The following MACF1 variants were observed in gnomAD, a reference collection of about 807,000 sequenced individuals.
MACF1 encodes microtubule-actin cross-linking factor 1.
MACF1 carries 193 observed loss-of-function variants against 854.8 expected under a neutral mutation model. The ratio of observed to expected loss-of-function variants is 0.23; its 90% CI spans 0.20 to 0.25. The LOEUF is 0.25. MACF1 is among the 10% of genes least tolerant of loss of function. The probability of loss-of-function intolerance (pLI) is 1.00; values close to 1 mark genes in which losing one functional copy is unlikely to be tolerated. For missense variants in MACF1, 7,722 were observed against 8,929.1 expected (o/e 0.86, Z 5.45); for synonymous variants, 3,185 against 3,226.7 (o/e 0.99, Z 0.44).
intron 2 of MACF1, among the ~76,000 whole-genome samples, chr1:39,127,366 T>C (rs1642885750): frequency 2.6e-5 from 4 of 152,224 alleles, no homozygotes; most frequent in Admixed American, 2.6e-4. Flanking sequence ...AATAATAATA[T>C]AATAGTGGCT....
At position 39,380,333 on chromosome 1, in the gene MACF1, A is replaced by T. The variant is rs1010645854; in HGVS notation, c.13608A>T (p.Ser4536=). The T allele has an allele frequency of 2.5e-6, 4 of 1,613,384 alleles. No individual in the cohort carries two copies. In the African/African-American group the frequency reaches 4.0e-5, roughly 16 times the overall value. Residue 4536 remains serine, a synonymous_variant, in exon 55 of 101, where the codon TCA becomes TCT. Transcript: ENST00000564288. The stretch of plus-strand genomic sequence containing the variant: ...GATTACTGGTGACATATCCCAACTC[A>T]CAGGAAGCAGAAAATTGGAAGAAAA... ...LAGLLVTYPN[S]QEAENWKKIQ... is the part of the protein sequence containing the mutation.
intron 1 of MACF1, among the ~76,000 whole-genome samples, chr1:39,220,542 G>T (rs549645633): frequency 6.8e-6 from 1 of 146,128 alleles, no homozygotes; most frequent in East Asian, 2.1e-4. Flanking sequence ...GAGTGCAGTG[G>T]CGCAATCTCA....
rs115254123 is a variant in MACF1, at chr1:39,298,008, C to G, written c.2481+263C>G. Among the ~76,000 whole-genome samples the G allele has an allele frequency of 7.5e-3, 1,145 of 152,056 alleles. 10 individuals are homozygous for G. Among genetic ancestry groups the G allele is most frequent in the Middle Eastern group, 0.017 (5 of 294 alleles). Reference sequence around the variant, plus strand: ...GTCTTCTCCTCTGAGCCACTTTGAGCTCATTGTACTTTCTTTGCATTTTTC... The same window carrying G: ...GTCTTCTCCTCTGAGCCACTTTGAGGTCATTGTACTTTCTTTGCATTTTTC... On this transcript the variant is annotated intron_variant, in intron 21 of 100. Coordinates refer to ENST00000564288, the MANE Select transcript of MACF1 (RefSeq NM_001394062.1).
chr1:39,177,035 A>C (rs553630595), intron 2 of MACF1, among the ~76,000 whole-genome samples: 2 of 152,328 alleles, frequency 1.3e-5, no homozygotes, highest in South Asian at 4.1e-4. Flanking sequence ...TTTGAGAATT[A>C]TGTAGTATCT....
intron 37 of MACF1, 138 bp from the exon 38 acceptor site, chr1:39,337,044 A>T: frequency 1.3e-6 from 1 of 753,786 alleles, no homozygotes; most frequent in Non-Finnish European, 2.1e-6. Flanking sequence ...GAAATGACTT[A>T]AACAAAGTGT....
At chr1:39,366,046 A>G (rs1431671935) in intron 49 of MACF1, among the ~76,000 whole-genome samples, 1 of 152,154 alleles carries the variant, frequency 6.6e-6, no homozygotes, top group Non-Finnish European at 1.5e-5. Flanking sequence ...TTTTAATTAT[A>G]GAGGCTTTAT....
At chr1:39,264,000 T>C (rs1557551197) in intron 6 of MACF1, among the ~76,000 whole-genome samples, 2 of 152,076 alleles carry the variant, frequency 1.3e-5, no homozygotes, top group East Asian at 1.9e-4. Flanking sequence ...GTCTTGATCT[T>C]CTGACCTCAT....
intron 2 of MACF1, among the ~76,000 whole-genome samples, chr1:39,149,739 A>ATGATG (rs931155170): frequency 6.6e-6 from 1 of 151,470 alleles, no homozygotes; most frequent in Non-Finnish European, 1.5e-5. Context: ...CCAGCCCGAT[A>ATGATG]TTTAAAGTCC....
At chr1:39,301,074 A>G (rs914297798) in intron 22 of MACF1, among the ~76,000 whole-genome samples, 32 of 152,078 alleles carry the variant, frequency 2.1e-4, no homozygotes, top group African/African-American at 7.5e-4. Context: ...CTCCCCATTT[A>G]GTGCACAAAG....
rs762682794 is a variant in MACF1 at position 39,310,901 on chromosome 1, G to C, written c.3171G>C (p.Glu1057Asp). 14 of 1,614,202 alleles carry C rather than the reference G, an allele frequency of 8.7e-6. No individual in the cohort carries two copies. Among genetic ancestry groups the C allele is most frequent in the Non-Finnish European group, 1.2e-5 (14 of 1,180,024 alleles). The change falls in exon 26 of 101, where the codon GAG becomes GAC. Residue 1057 changes from glutamate (E) to aspartate (D), a missense_variant. By Grantham distance (45) the Glu-to-Asp change is conservative. Coordinates refer to ENST00000564288, the MANE Select transcript of MACF1 (RefSeq NM_001394062.1). ...ELKNIRLRLEEYEQRVVKRIQ... is the reference protein window; with the variant it reads ...ELKNIRLRLEDYEQRVVKRIQ... ...AGAACATCCGGCTACGCCTGGAGGA[G>C]TATGAACAGAGGGTGGTCAAACGAA...
chr1:39,203,903 C>T (rs1382088390), upstream of MACF1, among the ~76,000 whole-genome samples: 2 of 152,152 alleles, frequency 1.3e-5, no homozygotes, highest in African/African-American at 4.8e-5. Flanking sequence ...CTGCTGCAAA[C>T]ATTCATATAC....
intron 73 of MACF1, 34 bp from the exon 74 acceptor site, chr1:39,441,190 G>C (rs1367715729): frequency 6.2e-7 from 1 of 1,613,866 alleles, no homozygotes; most frequent in Non-Finnish European, 8.5e-7. Context: ...GAGTGGTATT[G>C]ATTGAAGAAT....
intron 100 of MACF1, chr1:39,485,245 A>C (rs1334699997): frequency 2.7e-6 from 1 of 376,272 alleles, no homozygotes; most frequent in African/African-American, 2.1e-5. Flanking sequence ...TGGCAGGCTC[A>C]CCCACCTGTG....
intron 2 of MACF1, among the ~76,000 whole-genome samples, chr1:39,117,528 C>A (rs34222896): frequency 0.31 from 39,966 of 130,120 alleles, 5,664 homozygotes; most frequent in Non-Finnish European, 0.36. Context: ...TCTCAACCTG[C>A]AAGAGGTGTG....
chr1:39,382,483 T>A (rs1419623504), intron 56 of MACF1, among the ~76,000 whole-genome samples: 1 of 151,658 alleles, frequency 6.6e-6, no homozygotes, highest in Non-Finnish European at 1.5e-5. Flanking sequence ...GGTGGGCGGG[T>A]CACAAGGTCA....
chr1:39,244,870 C>T (rs1387359780), intron 2 of MACF1, among the ~76,000 whole-genome samples: 3 of 152,208 alleles, frequency 2.0e-5, no homozygotes, highest in Admixed American at 6.5e-5. Flanking sequence ...TGAGCCACCA[C>T]CCTGGCCAAT....
chr1:39,145,936 A>G (rs564075210), intron 2 of MACF1, among the ~76,000 whole-genome samples: 1 of 152,336 alleles, frequency 6.6e-6, no homozygotes, highest in South Asian at 2.1e-4. Context: ...AATGTATCCA[A>G]AATTCAGCTT....
Position 39,437,912 on chromosome 1 carries a change from C to A in MACF1, c.18124C>A (p.Leu6042Ile). The change falls in exon 71 of 101, where the codon CTA (leucine) becomes ATA (isoleucine). Residue 6042 changes from leucine to isoleucine, a missense_variant. Physicochemically the swap from Leu to Ile is conservative, Grantham distance 5 (BLOSUM62 2). Around this residue, in one of 15 missense-constraint regions of MACF1, gnomAD observed 2,807 missense variants for 3,235.8 expected, o/e 0.87. Transcript: ENST00000564288. The stretch of plus-strand genomic sequence containing the variant: ...TGACAATAAGAGTGCCACCGTGGAG[C>A]TAGAAAAACTGCAGCCATCCTTTGA... ...ISDNKSATVE[L>I]EKLQPSFEAL... 1 of 1,614,116 alleles carries A rather than the reference C, an allele frequency of 6.2e-7. No homozygotes were observed. The highest frequency in any genetic ancestry group is 8.5e-7 in the Non-Finnish European group (1 of 1,180,020).
At chr1:39,271,154 A>G (rs1394843708) in intron 6 of MACF1, among the ~76,000 whole-genome samples, 2 of 152,178 alleles carry the variant, frequency 1.3e-5, no homozygotes, top group African/African-American at 2.4e-5. Context: ...ATAAATAAAT[A>G]CCTGAGACTG....
Sources: gnomAD v4.1 joint callset for allele counts (sites outside exome capture counted in the v4.1 genomes callset) on GRCh38, gnomAD v4.1.1 for gene constraint, gnomAD v4.1.1 regional missense constraint, MANE v1.5 for transcripts, NCBI Gene and HGNC (gene_info 2026-07-23, HGNC 2026-07-21) for gene names.